GRIN2C: variants seen among roughly 807,000 people sequenced by gnomAD.
GRIN2C encodes the protein glutamate receptor ionotropic, NMDA 2C.
In GRIN2C, 64 loss-of-function variants were observed where a neutral mutation model predicts 77.7. That is an observed-to-expected ratio of 0.82 (90% CI 0.67 to 1.01). GRIN2C has a LOEUF of 1.01. Ranked by LOEUF, GRIN2C falls within the 50% of genes least tolerant of loss-of-function variation. GRIN2C has a pLI of 0.00. For missense variants in GRIN2C, 1,549 were observed against 1,486.0 expected (o/e 1.04, Z -0.70); for synonymous variants, 792 against 643.4 (o/e 1.23, Z -3.49).
chr17:74,848,195 C>G (rs947875817), intron 7 of GRIN2C, among the ~76,000 whole-genome samples: 2 of 152,184 alleles, frequency 1.3e-5, no homozygotes, highest in East Asian at 1.9e-4. Context: ...CCCCGCCCCC[C>G]ACTTCCCTGG....
chr17:74,855,552 T>C (rs536349922), intron 1 of GRIN2C, among the ~76,000 whole-genome samples: 3 of 152,336 alleles, frequency 2.0e-5, no homozygotes, highest in Admixed American at 2.0e-4. Context: ...CTCTGAGCCA[T>C]GTTTTCTTGC....
At chr17:74,843,728 T>C (rs1167985063) in intron 12 of GRIN2C, among the ~76,000 whole-genome samples, 175 bp from the exon 13 acceptor site, 1 of 152,258 alleles carries the variant, frequency 6.6e-6, no homozygotes, top group Non-Finnish European at 1.5e-5. Flanking sequence ...ATGAGTGGTC[T>C]GAGCGCCCAG....
In GRIN2C at chr17:74,850,965, C is replaced by T; in HGVS notation, c.1114-198G>A. On this transcript the variant is annotated intron_variant, in intron 4 of 12. Transcript: ENST00000293190. The surrounding 1 kb of genome is among the most constrained non-coding windows in gnomAD (Gnocchi z 5.3). ...CTCCACACTGACCCACAGCATCTTC[C>T]TAAAGCCCAGACCTGACCCTGTCTC... The T allele has an allele frequency of 1.7e-6, 1 of 603,098 alleles. No homozygotes were observed. Among genetic ancestry groups the T allele is most frequent in the South Asian group, 2.0e-5 (1 of 50,868 alleles). 37.4% of individuals were successfully genotyped at this position (603,098 alleles called of 1,614,324 possible). A position where few individuals can be genotyped will look rare whatever the true frequency, so the allele number is the denominator to read the frequency against.
At chr17:74,853,374 A>G (rs2037722189) in intron 2 of GRIN2C, 2 of 152,234 alleles carry the variant, frequency 1.3e-5, no homozygotes, top group African/African-American at 4.8e-5. Context: ...AGAGGTTGAG[A>G]GAAACTCAGA....
intron 12 of GRIN2C, 48 bp from the exon 13 acceptor site, chr17:74,843,601 G>A: frequency 1.3e-6 from 2 of 1,507,410 alleles, no homozygotes; most frequent in South Asian, 2.5e-5. Context: ...CTCCGCTCAG[G>A]GACCCGCCAC....
At chr17:74,851,476 G>T in intron 4 of GRIN2C, 101 bp downstream of exon 4, 1 of 668,748 alleles carries the variant, frequency 1.5e-6, no homozygotes, top group Non-Finnish European at 2.7e-6. Flanking sequence ...ATGAGGGGTT[G>T]GATAAGGGAC....
chr17:74,846,718 G>C lies in GRIN2C; in HGVS notation c.2162+42C>G. On this transcript the variant is annotated intron_variant, in intron 10 of 12. Transcript: ENST00000293190. This position sits in a 1 kb window ranked among gnomAD's most constrained non-coding sequence, Gnocchi z 4.4. ...GAGAGCTAAGGCTGGTCACTGGGGA[G>C]ACACACGGATGAAGACAGCGGGTGC... The C allele has an allele frequency of 6.3e-7, 1 of 1,590,406 alleles. No homozygotes were observed. Among genetic ancestry groups the C allele is most frequent in the Non-Finnish European group, 8.6e-7 (1 of 1,164,732 alleles).
At chr17:74,851,756 C>G in intron 3 of GRIN2C, 65 bp from the exon 4 acceptor site, 2 of 974,402 alleles carry the variant, frequency 2.1e-6, no homozygotes, top group Non-Finnish European at 3.2e-6. Context: ...TCTGCCTCAC[C>G]GCCGCCACCG....
In GRIN2C at chr17:74,846,356, C is replaced by A. The variant is rs558215192; in HGVS notation, c.2163-103G>T. 13 of 985,424 alleles carry A rather than the reference C, an allele frequency of 1.3e-5. No homozygotes were observed. The highest frequency in any genetic ancestry group is 2.0e-5 in the Non-Finnish European group (13 of 647,352). The allele number at this position is 985,424 out of a possible 1,614,324, so 61.0% of individuals were successfully genotyped here. On this transcript the variant is annotated intron_variant, in intron 10 of 12. Transcript: ENST00000293190. This position sits in a 1 kb window ranked among gnomAD's most constrained non-coding sequence, Gnocchi z 4.4. ...CTAAACCACATGAGCCTGCTGGGCACCCCCGGGAGGGACCAATGGGCAGAG... is the reference window on the plus strand; with the variant it reads ...CTAAACCACATGAGCCTGCTGGGCAACCCCGGGAGGGACCAATGGGCAGAG...
chr17:74,847,794 AGCCCAGCCCTCAGGGTGCCCAG>A lies in GRIN2C; in HGVS notation c.1771+36_1771+57del. The A allele has an allele frequency of 1.3e-6, 2 of 1,597,604 alleles. No homozygotes were observed. The highest frequency in any genetic ancestry group is 1.7e-6 in the Non-Finnish European group (2 of 1,166,988). On this transcript the variant is annotated intron_variant, in intron 8 of 12. Coordinates refer to ENST00000293190, the MANE Select transcript of GRIN2C (RefSeq NM_000835.6). This position sits in a 1 kb window ranked among gnomAD's most constrained non-coding sequence, Gnocchi z 5.2. ...TTCTCTGAAGGACCCGTTGCCCCTG[AGCCCAGCCCTCAGGGTGCCCAG>A]GCCCACCCCTCCTGCCGGGCCCAGG...
chr17:74,846,882 G>A lies in GRIN2C; in HGVS notation c.2040C>T (p.Phe680=), dbSNP rs368936477. ...CCGTGCTGCCGTTGGGCACCGTGCC[G>A]AAGCGGAAAGGTGGGTACTGATCTT... ...RPQDQYPPFR[F]GTVPNGSTER... The change falls in exon 10 of 13, where the codon TTC becomes TTT. Residue 680 remains phenylalanine, a synonymous_variant. Coordinates refer to ENST00000293190, the MANE Select transcript of GRIN2C (RefSeq NM_000835.6). This position sits in a 1 kb window ranked among gnomAD's most constrained non-coding sequence, Gnocchi z 4.4. 31 of 1,613,884 alleles carry A rather than the reference G, an allele frequency of 1.9e-5. No individual in the cohort carries two copies. The highest frequency in any genetic ancestry group is 9.3e-5 in the African/African-American group (7 of 74,940).
At position 74,842,528 on chromosome 17, in the gene GRIN2C, T is replaced by TCC; in HGVS notation, c.3607_3608dup (p.Leu1204AspfsTer8). 1.3e-6 allele frequency: 1 copy of TCC among 778,690 alleles called. No individual in the cohort carries two copies. The highest frequency in any genetic ancestry group is 2.4e-6 in the Non-Finnish European group (1 of 417,636). The allele number at this position is 778,690 out of a possible 1,614,324, so 48.2% of individuals were successfully genotyped here. On this transcript the variant is annotated frameshift_variant, in exon 13 of 13. Transcript: ENST00000293190. LOFTEE classifies it high-confidence loss of function. ...GGGCTACCCTGCTGATCTCGTCCAG[T>TCC]CCCCCACTGTCTCTGTAGCCTGTGC...
Position 74,847,137 on chromosome 17 carries a change from G to C in GRIN2C, c.2001+171C>G. 1 of 720,042 alleles carries C rather than the reference G, an allele frequency of 1.4e-6. No individual in the cohort carries two copies. Among genetic ancestry groups the C allele is most frequent in the East Asian group, 2.7e-5 (1 of 37,160 alleles). The allele number at this position is 720,042 out of a possible 1,614,324, so 44.6% of individuals were successfully genotyped here. A position where few individuals can be genotyped will look rare whatever the true frequency, so the allele number is the denominator to read the frequency against. Reference sequence around the variant, plus strand: ...CCAAGGCCTCTCAGCCGGTGGCCCTGAGCCATCTCTTGCCCCAGCCCCCAA... The same window carrying C: ...CCAAGGCCTCTCAGCCGGTGGCCCTCAGCCATCTCTTGCCCCAGCCCCCAA... On this transcript the variant is annotated intron_variant, in intron 9 of 12. Coordinates refer to ENST00000293190, the MANE Select transcript of GRIN2C (RefSeq NM_000835.6). The surrounding 1 kb of genome is among the most constrained non-coding windows in gnomAD (Gnocchi z 5.2).
At chr17:74,858,348 G>T (rs1414176366) in intron 1 of GRIN2C, among the ~76,000 whole-genome samples, 3 of 136,024 alleles carry the variant, frequency 2.2e-5, no homozygotes, top group Admixed American at 1.5e-4. Flanking sequence ...TGGGTTGGGG[G>T]TTGGGGGTCG....
chr17:74,842,785 C>T lies in GRIN2C; in HGVS notation c.3352G>A (p.Ala1118Thr), dbSNP rs574917050. The T allele has an allele frequency of 1.2e-4, 81 of 655,468 alleles. 1 individual carries two copies. In the South Asian group the frequency reaches 1.2e-3, roughly 10 times the overall value. 40.6% of individuals were successfully genotyped at this position (655,468 alleles called of 1,614,324 possible). A position where few individuals can be genotyped will look rare whatever the true frequency, so the allele number is the denominator to read the frequency against. ...PDGHSACRRL[A>T]QAQSMCLPIY... ...GGCAAGCACATCGACTGCGCCTGCG[C>T]CAAGCGCCTGCAGGCCGAGTGGCCG... The change falls in exon 13 of 13, where the codon GCG becomes ACG. Residue 1118 changes from alanine to threonine, a missense_variant. By Grantham distance (58) the Ala-to-Thr change is moderately conservative. Coordinates refer to ENST00000293190, the MANE Select transcript of GRIN2C (RefSeq NM_000835.6).
In GRIN2C at chr17:74,852,539, C is replaced by A. The variant is rs2037693141; in HGVS notation, c.472G>T (p.Glu158Ter). 5 of 1,562,040 alleles carry A rather than the reference C, an allele frequency of 3.2e-6. No individual in the cohort carries two copies. The highest frequency in any genetic ancestry group is 4.3e-6 in the Non-Finnish European group (5 of 1,161,310). ...QQLQVLFKVL[E>*]EYDWSAFAVI... ...GCGAAGGCGCTCCAGTCGTACTCTT[C>A]CAGCACCTTGAACAGCACCTGCAGC... The change falls in exon 3 of 13, where the codon GAA becomes TAA. Residue 158 changes from glutamate (E) to a stop codon, truncating the protein, a stop_gained. Coordinates refer to ENST00000293190, the MANE Select transcript of GRIN2C (RefSeq NM_000835.6). LOFTEE classifies it high-confidence loss of function.
chr17:74,857,820 C>T (rs1030235009), intron 1 of GRIN2C, among the ~76,000 whole-genome samples: 9 of 152,186 alleles, frequency 5.9e-5, no homozygotes, highest in African/African-American at 2.2e-4. Flanking sequence ...AATTTCATGC[C>T]ACACTGCACA....
At chr17:74,848,111 C>T in intron 7 of GRIN2C, 134 bp from the exon 8 acceptor site, 1 of 904,962 alleles carries the variant, frequency 1.1e-6, no homozygotes, top group Non-Finnish European at 1.7e-6. Flanking sequence ...GCCAAGGGGG[C>T]CTCTGACTCA....
Position 74,842,760 on chromosome 17 carries a change from G to A in GRIN2C, c.3377C>T (p.Pro1126Leu), listed in dbSNP as rs1448442931. The A allele has an allele frequency of 1.4e-6, 1 of 690,576 alleles. No homozygotes were observed. The highest frequency in any genetic ancestry group is 2.7e-6 in the Non-Finnish European group (1 of 375,372). 42.8% of individuals were successfully genotyped at this position (690,576 alleles called of 1,614,324 possible). A position where few individuals can be genotyped will look rare whatever the true frequency, so the allele number is the denominator to read the frequency against. Residue 1126 changes from proline to leucine, a missense_variant, in exon 13 of 13, where the codon CCG (proline) becomes CTG (leucine). This residue lies in a region of GRIN2C where 450 missense variants were observed against 267.9 expected (regional missense o/e 1.68). Transcript: ENST00000293190. ...CTCCTGGCAGGCCTCCCGGTAGATC[G>A]GCAAGCACATCGACTGCGCCTGCGC... ...RLAQAQSMCL[P>L]IYREACQEGE...
Sources: allele counts gnomAD v4.1 joint callset (sites outside exome capture counted in the v4.1 genomes callset), GRCh38; gene constraint gnomAD v4.1.1; regional missense constraint gnomAD v4.1.1; non-coding constraint Gnocchi (gnomAD v3.1); transcripts MANE v1.5; gene names NCBI Gene and HGNC (gene_info 2026-07-23, HGNC 2026-07-21).